SLC38A9: variants seen among roughly 807,000 people sequenced by gnomAD.
SLC38A9 encodes neutral amino acid transporter 9.
In SLC38A9, 48 loss-of-function variants were observed where a neutral mutation model predicts 62.3. The ratio of observed to expected loss-of-function variants is 0.77; its 90% CI spans 0.61 to 0.98. The LOEUF is 0.98. SLC38A9 is among the 50% of genes least tolerant of loss of function. The pLI, the probability that SLC38A9 is intolerant of heterozygous loss-of-function variation, is 0.00. For missense variants in SLC38A9, 541 were observed against 679.8 expected (o/e 0.80, Z 2.27); for synonymous variants, 204 against 227.7 (o/e 0.90, Z 0.94).
intron 12 of SLC38A9, among the ~76,000 whole-genome samples, chr5:55,638,370 G>A (rs1344033555): frequency 1.3e-5 from 2 of 152,096 alleles, no homozygotes; most frequent in African/African-American, 4.8e-5. Flanking sequence ...TTTAGAAAAC[G>A]AGGCTCAAAG....
chr5:55,650,916 C>T (rs1187539348), intron 10 of SLC38A9, among the ~76,000 whole-genome samples: 2 of 152,042 alleles, frequency 1.3e-5, no homozygotes, highest in African/African-American at 2.4e-5. Flanking sequence ...CTCAGCCTCC[C>T]GAGTAGCTGG....
At chr5:55,674,629 C>T (rs898643255) in intron 3 of SLC38A9, among the ~76,000 whole-genome samples, 5 of 152,266 alleles carry the variant, frequency 3.3e-5, no homozygotes, top group Non-Finnish European at 4.4e-5. Context: ...AGAAATAAAT[C>T]TCTGTTCTTT....
chr5:55,661,575 G>A (rs925841490), intron 8 of SLC38A9, among the ~76,000 whole-genome samples: 2 of 151,660 alleles, frequency 1.3e-5, no homozygotes, highest in South Asian at 4.2e-4. Flanking sequence ...ATTACTATAC[G>A]GTGTACCAAC....
In SLC38A9 at chr5:55,633,825, A is replaced by T; in HGVS notation, c.1359T>A (p.Thr453=). The change falls in exon 14 of 16, where the codon ACT becomes ACA. Residue 453 remains threonine, a synonymous_variant. Transcript: ENST00000396865. The part of the protein sequence containing the change: ...ARIFLLFQMM[T]VYPLLGYLAR... The stretch of plus-strand genomic sequence containing the variant: ...CCAGGTAGCCTAAGAGTGGGTATAC[A>T]GTCATCATCTGGAACAGCAGGAATA... 1 of 1,614,200 alleles carries T rather than the reference A, an allele frequency of 6.2e-7. No individual in the cohort carries two copies. The highest frequency in any genetic ancestry group is 1.1e-5 in the South Asian group (1 of 91,078).
chr5:55,637,249 G>C lies in SLC38A9; in HGVS notation c.1168-1592C>G, dbSNP rs548675179. On this transcript the variant is annotated intron_variant, in intron 12 of 15. Coordinates refer to ENST00000396865, the MANE Select transcript of SLC38A9 (RefSeq NM_173514.4). ...CCTGATCACCACGTTATTTTGGTCTGACATCTTGCAAAGAAGTGTACCATA... is the reference window on the plus strand; with the variant it reads ...CCTGATCACCACGTTATTTTGGTCTCACATCTTGCAAAGAAGTGTACCATA... Among the ~76,000 whole-genome samples the C allele has an allele frequency of 3.9e-5, 6 of 152,236 alleles. No homozygotes were observed. The East Asian group carries it at 9.6e-4, about 24-fold the overall frequency.
In SLC38A9 at chr5:55,672,780, C is replaced by G. The variant is rs1402511146; in HGVS notation, c.114-85G>C. ...TTTGAAGAAAATAACTTCTTATCCT[C>G]CATTAGTAATGGGATGCACAAAGGC... is the stretch of plus-strand genomic sequence containing the variant. On this transcript the variant is annotated intron_variant, in intron 3 of 15. Transcript: ENST00000396865. The G allele has an allele frequency of 1.4e-5, 20 of 1,390,794 alleles. No individual in the cohort carries two copies. In the Admixed American group the frequency reaches 4.1e-4, roughly 29 times the overall value. 86.2% of individuals were successfully genotyped at this position (1,390,794 alleles called of 1,614,324 possible).
chr5:55,633,916 G>C lies in SLC38A9; in HGVS notation c.1282-14C>G. Reference sequence around the variant, plus strand: ...GTCTAAAAAATTCTAATCCAAGAAAGATAATGAGGTCATGTTAAAAATCAA... The same window carrying C: ...GTCTAAAAAATTCTAATCCAAGAAACATAATGAGGTCATGTTAAAAATCAA... On this transcript the variant is annotated splice_polypyrimidine_tract_variant and intron_variant, in intron 13 of 15. Coordinates refer to ENST00000396865, the MANE Select transcript of SLC38A9 (RefSeq NM_173514.4). 6.3e-7 allele frequency: 1 copy of C among 1,580,278 alleles called. No homozygotes were observed. Among genetic ancestry groups the C allele is most frequent in the Non-Finnish European group, 8.6e-7 (1 of 1,157,708 alleles).
chr5:55,645,049 A>G (rs1442352669), intron 12 of SLC38A9, among the ~76,000 whole-genome samples: 1 of 152,138 alleles, frequency 6.6e-6, no homozygotes, highest in Non-Finnish European at 1.5e-5. Context: ...ACATGAACTC[A>G]TCATTTTTTA....
intron 7 of SLC38A9, among the ~76,000 whole-genome samples, chr5:55,667,668 G>T (rs771848993): frequency 2.2e-4 from 33 of 152,138 alleles, no homozygotes; most frequent in East Asian, 3.9e-4. Context: ...CAGGCTTTGT[G>T]TTAGGGGTGT....
At position 55,649,423 on chromosome 5, in the gene SLC38A9, C is replaced by G. The variant is rs867378381; in HGVS notation, c.953-109G>C. The G allele has an allele frequency of 8.3e-6, 5 of 604,016 alleles. No individual in the cohort carries two copies. The South Asian group carries it at 1.6e-4, about 19-fold the overall frequency. 37.4% of individuals were successfully genotyped at this position (604,016 alleles called of 1,614,324 possible). ...TCAGCAAAGTGTGGGAAACTGTTAA[C>G]TGCATTGATTATCTCCACTAACACC... On this transcript the variant is annotated intron_variant, in intron 10 of 15. Transcript: ENST00000396865.
intron 4 of SLC38A9, 141 bp from the exon 5 acceptor site, chr5:55,670,020 A>C: frequency 1.5e-6 from 1 of 687,266 alleles, no homozygotes; most frequent in South Asian, 2.9e-5. Flanking sequence ...GCTGGAGTGC[A>C]GTGACGCGAT....
intron 8 of SLC38A9, among the ~76,000 whole-genome samples, 173 bp from the exon 9 acceptor site, chr5:55,656,947 G>A (rs571260677): frequency 2.6e-5 from 4 of 151,306 alleles, no homozygotes; most frequent in African/African-American, 4.9e-5. Flanking sequence ...TGCAAGCTCC[G>A]CCTCCCAGAT....
intron 2 of SLC38A9, among the ~76,000 whole-genome samples, chr5:55,698,842 C>T (rs1290219639): frequency 4.0e-5 from 6 of 151,874 alleles, no homozygotes; most frequent in East Asian, 1.9e-4. Flanking sequence ...GAGGCTGAAG[C>T]GGGAGGATTG....
At chr5:55,697,653 T>TG (rs1756075839) in intron 3 of SLC38A9, among the ~76,000 whole-genome samples, 193 bp downstream of exon 3, 2 of 67,654 alleles carry the variant, frequency 3.0e-5, no homozygotes, top group African/African-American at 1.3e-4. Flanking sequence ...TTGAGTTTAG[T>TG]GAAAAAAAAA....
intron 2 of SLC38A9, among the ~76,000 whole-genome samples, chr5:55,709,998 G>A (rs1757790008): frequency 6.7e-6 from 1 of 148,658 alleles, no homozygotes; most frequent in African/African-American, 2.5e-5. Flanking sequence ...GAACCCGGGA[G>A]GCAGGGGTTG....
chr5:55,634,032 C>A, intron 13 of SLC38A9, 130 bp from the exon 14 acceptor site: 1 of 566,590 alleles, frequency 1.8e-6, no homozygotes, highest in East Asian at 3.1e-5. Context: ...TAGTGCCCAT[C>A]CACAACTACT....
chr5:55,688,410 C>T (rs1754254414), intron 3 of SLC38A9, among the ~76,000 whole-genome samples: 1 of 136,264 alleles, frequency 7.3e-6, no homozygotes, highest in Admixed American at 7.7e-5. Context: ...AAGACAGTCT[C>T]ACTCTGTTGC....
At chr5:55,678,650 T>G (rs1412527992) in intron 3 of SLC38A9, among the ~76,000 whole-genome samples, 7 of 128,600 alleles carry the variant, frequency 5.4e-5, no homozygotes, top group Non-Finnish European at 1.0e-4. Context: ...ATGAACTTTT[T>G]TTTTTTTTTT....
intron 13 of SLC38A9, 64 bp from the exon 14 acceptor site, chr5:55,633,966 G>T: frequency 7.8e-7 from 1 of 1,283,034 alleles, no homozygotes; most frequent in Non-Finnish European, 1.1e-6. Flanking sequence ...TTCATAAAAT[G>T]GAATGTCTTC....
Sources: gnomAD v4.1 joint callset for allele counts (sites outside exome capture counted in the v4.1 genomes callset) on GRCh38, gnomAD v4.1.1 for gene constraint, MANE v1.5 for transcripts, NCBI Gene and HGNC (gene_info 2026-07-23, HGNC 2026-07-21) for gene names.